Variants in SPDYE16 observed in about 807,000 individuals in gnomAD.
The protein encoded by SPDYE16 is speedy/RINGO cell cycle regulator family member E16.
SPDYE16 carries 5 observed loss-of-function variants against 40.1 expected under a neutral mutation model. The observed-to-expected ratio is 0.12, with a 90% CI of 0.07 to 0.26. The LOEUF is 0.26. Among genes scored for constraint, SPDYE16 ranks in the 10% least tolerant of loss-of-function variants. The pLI is 1.00. For synonymous variants in SPDYE16, 40 were observed against 154.2 expected (o/e 0.26, Z 5.49); for missense variants, 98 against 409.8 (o/e 0.24, Z 6.57).
At chr7:76,534,461 AAT>A (rs1288495177) in intron 6 of SPDYE16, among the ~76,000 whole-genome samples, 2 of 86,666 alleles carry the variant, frequency 2.3e-5, no homozygotes, top group Admixed American at 2.1e-4. Context: ...CTCTATTAAA[AAT>A]ATAAGAAATA....
Position 76,532,106 on chromosome 7 carries a change from C to T in SPDYE16, c.*734G>A. On this transcript the variant is annotated 3_prime_UTR_variant, in exon 9 of 9. Transcript: ENST00000633306. The stretch of plus-strand genomic sequence containing the variant: ...AAATATCATAGATAAAAAGAGTGCT[C>T]ACTTCAGGAGCACATATAATAATAC... 2.5e-5 allele frequency: 2 copies of T among 79,866 alleles called. 1 individual carries two copies. Among genetic ancestry groups the T allele is most frequent in the Non-Finnish European group, 4.8e-5 (2 of 41,262 alleles). 4.9% of individuals were successfully genotyped at this position (79,866 alleles called of 1,614,324 possible).
rs1813182408 is a variant in SPDYE16, at chr7:76,541,437, A to T, written c.23T>A (p.Phe8Tyr). 3.3e-6 allele frequency: 5 copies of T among 1,534,590 alleles called. No individual in the cohort carries two copies. Among genetic ancestry groups the T allele is most frequent in the Non-Finnish European group, 4.4e-6 (5 of 1,146,626 alleles). The change falls in exon 2 of 9, where the codon TTC becomes TAC. Residue 8 changes from phenylalanine to tyrosine, a missense_variant. Coordinates refer to ENST00000633306, the MANE Select transcript of SPDYE16 (RefSeq NM_001394943.1). MDRTETRFRKRGQIKGKI... is the reference protein window; with the variant it reads MDRTETRYRKRGQIKGKI... The stretch of plus-strand genomic sequence containing the variant: ...TCCCTTAATCTGTCCCCTCTTACGG[A>T]ACCTAGTCTCCGTTCTGTCCATGGC...
At chr7:76,541,105 G>C (rs1214197608) in intron 2 of SPDYE16, among the ~76,000 whole-genome samples, 195 bp downstream of exon 2, 1 of 117,910 alleles carries the variant, frequency 8.5e-6, no homozygotes, top group East Asian at 2.4e-4. Flanking sequence ...ACTACCACTT[G>C]ACTAATTTTT....
rs545004622 is a variant in SPDYE16 at position 76,537,020 on chromosome 7, C to CAAA, written c.669+470_669+472dup. ...GGGAGCAGAGCTAGACTCTGTCTCA[C>CAAA]AAAAAAAAAATGTGTGGGTGCCAAG... On this transcript the variant is annotated intron_variant, in intron 5 of 8. Coordinates refer to ENST00000633306, the MANE Select transcript of SPDYE16 (RefSeq NM_001394943.1). Among the ~76,000 whole-genome samples the CAAA allele has an allele frequency of 1.4e-4, 6 of 44,120 alleles. No homozygotes were observed. In the East Asian group the frequency reaches 2.6e-3, roughly 19 times the overall value. The allele number at this position is 44,120 out of a possible 152,430, so 28.9% of individuals were successfully genotyped here. A position where few individuals can be genotyped will look rare whatever the true frequency, so the allele number is the denominator to read the frequency against.
At chr7:76,539,954 CT>C (rs1337791324) in intron 3 of SPDYE16, among the ~76,000 whole-genome samples, 173 bp downstream of exon 3, 1 of 119,926 alleles carries the variant, frequency 8.3e-6, no homozygotes, top group African/African-American at 4.0e-5. Context: ...CAAGTCTAGC[CT>C]AGTCCTCTAT....
rs776238128 is a variant in SPDYE16 at position 76,537,587 on chromosome 7, G to T, written c.611-36C>A. 57 of 813,044 alleles carry T rather than the reference G, an allele frequency of 7.0e-5. 20 individuals are homozygous for T. Among genetic ancestry groups the T allele is most frequent in the Admixed American group, 3.4e-4 (12 of 35,102 alleles). 50.4% of individuals were successfully genotyped at this position (813,044 alleles called of 1,614,324 possible). ...AGAGCAGATGTCAGTGTGAGAAGCA[G>T]GACAGGGTTTCCGTGGGAGCAGCAG... On this transcript the variant is annotated intron_variant, in intron 4 of 8. Transcript: ENST00000633306.
In SPDYE16 at chr7:76,539,869, G is replaced by A. The variant is rs575701755; in HGVS notation, c.379+259C>T. On this transcript the variant is annotated intron_variant, in intron 3 of 8. Coordinates refer to ENST00000633306, the MANE Select transcript of SPDYE16 (RefSeq NM_001394943.1). ...AATCCTCTTGCCTCAGCCTCCCAGC[G>A]TGCTAGGATCTCAGGCGTGAGCCAC... 7.1e-4 allele frequency among the ~76,000 whole-genome samples: 82 copies of A among 115,198 alleles called. 31 individuals are homozygous for A. The highest frequency in any genetic ancestry group is 3.0e-3 in the African/African-American group (67 of 22,638). The allele number at this position is 115,198 out of a possible 152,430, so 75.6% of individuals were successfully genotyped here.
In SPDYE16 at chr7:76,533,461, C is replaced by T. The variant is rs373671605; in HGVS notation, c.*45+188G>A. 7.5e-4 allele frequency: 523 copies of T among 698,436 alleles called. 132 individuals are homozygous for T. The East Asian group carries it at 0.013, about 17-fold the overall frequency. The allele number at this position is 698,436 out of a possible 1,614,324, so 43.3% of individuals were successfully genotyped here. ...ACCTTCCAGGCTCCAGCGATCCTCC[C>T]GCCTCAGCCTCCTGAGTAGTTGGGA... On this transcript the variant is annotated intron_variant, in intron 8 of 8. Coordinates refer to ENST00000633306, the MANE Select transcript of SPDYE16 (RefSeq NM_001394943.1).
intron 2 of SPDYE16, among the ~76,000 whole-genome samples, chr7:76,540,993 A>G (rs1290415160): frequency 1.2e-4 from 12 of 100,992 alleles, no homozygotes; most frequent in African/African-American, 4.8e-4. Flanking sequence ...TTTTTTTTGG[A>G]GTGCAGTAGC....
At chr7:76,539,902 G>A (rs1264273169) in intron 3 of SPDYE16, among the ~76,000 whole-genome samples, 5 of 116,860 alleles carry the variant, frequency 4.3e-5, no homozygotes, top group Admixed American at 1.6e-4. Flanking sequence ...CACTGCACCT[G>A]GCCCGAAACC....
At chr7:76,539,300 A>C (rs1467706828) in intron 3 of SPDYE16, among the ~76,000 whole-genome samples, 2 of 89,406 alleles carry the variant, frequency 2.2e-5, no homozygotes, top group Admixed American at 1.1e-4. Context: ...CTGGTCTCCA[A>C]CTCCTGGCCT....
chr7:76,539,227 A>G, intron 3 of SPDYE16, among the ~76,000 whole-genome samples: 1 of 97,136 alleles, frequency 1.0e-5, no homozygotes, highest in Non-Finnish European at 2.1e-5. Flanking sequence ...ACAGGTGCCC[A>G]CCAGAACGCC....
At chr7:76,542,110 A>G (rs777437035) in intron 1 of SPDYE16, among the ~76,000 whole-genome samples, 67 of 149,192 alleles carry the variant, frequency 4.5e-4, no homozygotes, top group African/African-American at 1.5e-3. Context: ...ATTATCATGT[A>G]CAAGAGATCC....
intron 3 of SPDYE16, among the ~76,000 whole-genome samples, chr7:76,539,826 A>T (rs1339036934): frequency 8.8e-6 from 1 of 113,936 alleles, no homozygotes; most frequent in Non-Finnish European, 1.8e-5. Context: ...CTGCAGTCTC[A>T]AAGTCCTGAG....
intron 6 of SPDYE16, among the ~76,000 whole-genome samples, chr7:76,534,691 G>T (rs1276623968): frequency 6.8e-6 from 1 of 146,454 alleles, no homozygotes; most frequent in Non-Finnish European, 1.5e-5. Context: ...GGAGGCGGAG[G>T]TTGCAGTGAG....
At chr7:76,533,385 T>G in intron 8 of SPDYE16, 1 of 656,564 alleles carries the variant, frequency 1.5e-6, no homozygotes, top group South Asian at 2.9e-5. Context: ...GGTCTCACTC[T>G]GTCGCCCAGA....
Position 76,539,411 on chromosome 7 carries a change from C to T in SPDYE16, c.380-595G>A, listed in dbSNP as rs564348782. ...CCATTCTTCCCACACACCCTCCTCA[C>T]GTGCTCCTTCCTGACTTCTGGGCCC... On this transcript the variant is annotated intron_variant, in intron 3 of 8. Transcript: ENST00000633306. Among the ~76,000 whole-genome samples the T allele has an allele frequency of 8.0e-4, 77 of 95,952 alleles. 11 individuals carry two copies. Among genetic ancestry groups the T allele is most frequent in the Middle Eastern group, 0.013 (2 of 158 alleles). 62.9% of individuals were successfully genotyped at this position (95,952 alleles called of 152,430 possible). A position where few individuals can be genotyped will look rare whatever the true frequency, so the allele number is the denominator to read the frequency against.
At chr7:76,534,631 G>A (rs1242136636) in intron 6 of SPDYE16, among the ~76,000 whole-genome samples, 112 of 141,580 alleles carry the variant, frequency 7.9e-4, no homozygotes, top group African/African-American at 2.8e-3. Context: ...TGGCACACCC[G>A]TTAGGCCTAG....
At chr7:76,532,909 C>G (rs1205947967) in intron 8 of SPDYE16, 115 bp from the exon 9 acceptor site, 3 of 857,898 alleles carry the variant, frequency 3.5e-6, no homozygotes, top group Admixed American at 1.3e-4. Context: ...GCAATTTTAT[C>G]TGCTGCCTTT....
Sources: gnomAD v4.1 joint callset for allele counts (sites outside exome capture counted in the v4.1 genomes callset) on GRCh38, gnomAD v4.1.1 for gene constraint, MANE v1.5 for transcripts, NCBI Gene and HGNC (gene_info 2026-07-23, HGNC 2026-07-21) for gene names.